TLK1: variants seen among roughly 807,000 people sequenced by gnomAD.
TLK1 encodes the protein tousled like kinase 1.
A neutral mutation model predicts 105.3 loss-of-function variants in TLK1; 24 were observed. The ratio of observed to expected loss-of-function variants is 0.23; its 90% CI spans 0.17 to 0.32. The LOEUF (loss-of-function observed/expected upper bound fraction) is 0.32. TLK1 is among the 10% of genes least tolerant of loss of function. TLK1 has a pLI of 1.00. For missense variants in TLK1, 558 were observed against 910.5 expected (o/e 0.61, Z 4.98); for synonymous variants, 321 against 310.4 (o/e 1.03, Z -0.36).
chr2:171,023,210 T>C (rs1685608685), intron 12 of TLK1: 1 of 469,968 alleles, frequency 2.1e-6, no homozygotes, highest in Non-Finnish European at 4.4e-6. Flanking sequence ...TGGTGTCAGG[T>C]GGCATGTTGG....
At chr2:171,171,070 T>C (rs142931910) in intron 1 of TLK1, among the ~76,000 whole-genome samples, 128 of 151,854 alleles carry the variant, frequency 8.4e-4, no homozygotes, top group Non-Finnish European at 1.6e-3. Flanking sequence ...TTAAAAAATC[T>C]AAAAATATTT....
chr2:171,122,820 C>CT (rs1690708533), intron 1 of TLK1, among the ~76,000 whole-genome samples: 2 of 152,132 alleles, frequency 1.3e-5, no homozygotes, highest in African/African-American at 2.4e-5. Context: ...GGGCGGATCA[C>CT]TTAAGGTCAG....
chr2:171,161,615 A>G (rs538738357), upstream of TLK1, among the ~76,000 whole-genome samples: 17 of 152,350 alleles, frequency 1.1e-4, no homozygotes, highest in Admixed American at 3.3e-4. Context: ...GTTTTAAAAC[A>G]GTAAGTGGAA....
At chr2:171,017,699 A>G (rs1263224847) in intron 12 of TLK1, among the ~76,000 whole-genome samples, 1 of 152,240 alleles carries the variant, frequency 6.6e-6, no homozygotes, top group East Asian at 1.9e-4. Context: ...AATATGTCCC[A>G]TAAAAATCTT....
intron 1 of TLK1, among the ~76,000 whole-genome samples, chr2:171,221,942 A>C (rs1187776096): frequency 6.6e-6 from 1 of 152,216 alleles, no homozygotes; most frequent in Non-Finnish European, 1.5e-5. Flanking sequence ...TCAGCATATG[A>C]ATTTTTTGGA....
At chr2:171,196,787 G>A (rs1693284053) in intron 1 of TLK1, among the ~76,000 whole-genome samples, 1 of 152,210 alleles carries the variant, frequency 6.6e-6, no homozygotes, top group South Asian at 2.1e-4. Flanking sequence ...CAGTGAGTTT[G>A]CAAAGAAAGT....
upstream of TLK1, among the ~76,000 whole-genome samples, chr2:171,162,588 T>C (rs967464378): frequency 6.6e-6 from 1 of 152,154 alleles, no homozygotes; most frequent in Non-Finnish European, 1.5e-5. Flanking sequence ...AGTTTTGATG[T>C]GTATACCTCC....
intron 2 of TLK1, among the ~76,000 whole-genome samples, chr2:171,087,898 C>A (rs1689052784): frequency 6.6e-6 from 1 of 152,150 alleles, no homozygotes. Context: ...TAAAGAGACC[C>A]TTAGGCCCTT....
intron 1 of TLK1, among the ~76,000 whole-genome samples, chr2:171,228,423 C>T (rs891446813): frequency 2.0e-5 from 3 of 152,088 alleles, no homozygotes; most frequent in Non-Finnish European, 4.4e-5. Context: ...GCATGGTGCA[C>T]ACCTATAGCC....
intron 11 of TLK1, among the ~76,000 whole-genome samples, chr2:171,033,664 T>C (rs1686161572): frequency 6.6e-6 from 1 of 151,234 alleles, no homozygotes; most frequent in Non-Finnish European, 1.5e-5. Flanking sequence ...TGTATCATAA[T>C]ATATCATGTA....
chr2:171,093,618 C>T (rs1019201654), intron 2 of TLK1, among the ~76,000 whole-genome samples: 64 of 151,710 alleles, frequency 4.2e-4, no homozygotes, highest in Non-Finnish European at 1.0e-4. Context: ...CGAAAAATGT[C>T]AGGTAATTTG....
At chr2:170,997,518 AGTAG>A (rs940969034) in intron 19 of TLK1, among the ~76,000 whole-genome samples, 190 bp downstream of exon 19, 1 of 152,232 alleles carries the variant, frequency 6.6e-6, no homozygotes, top group Admixed American at 6.5e-5. Context: ...GAAAGCAAAA[AGTAG>A]GTCAAGTAAA....
chr2:171,213,527 AT>A (rs763107580), intron 1 of TLK1, among the ~76,000 whole-genome samples: 5 of 151,376 alleles, frequency 3.3e-5, no homozygotes, highest in Non-Finnish European at 5.9e-5. Context: ...AAAAAAAAAA[AT>A]TTATTTTAGT....
chr2:171,090,446 G>A (rs1038442902), intron 2 of TLK1, among the ~76,000 whole-genome samples: 2 of 124,636 alleles, frequency 1.6e-5, no homozygotes, highest in Non-Finnish European at 3.4e-5. Context: ...TGATATGAGT[G>A]CTGCTTACAT....
intron 1 of TLK1, among the ~76,000 whole-genome samples, chr2:171,146,728 A>G (rs1212048946): frequency 1.3e-5 from 2 of 152,144 alleles, no homozygotes; most frequent in Non-Finnish European, 2.9e-5. Flanking sequence ...AAACTGTGTA[A>G]CTCCCTTCTG....
chr2:171,084,840 G>A (rs1309074186), intron 2 of TLK1, among the ~76,000 whole-genome samples: 2 of 152,008 alleles, frequency 1.3e-5, no homozygotes, highest in African/African-American at 4.8e-5. Flanking sequence ...ACTCAAGAAA[G>A]CATTAAAAAT....
intron 11 of TLK1, among the ~76,000 whole-genome samples, chr2:171,032,472 T>A (rs1686092141): frequency 6.6e-6 from 1 of 152,140 alleles, no homozygotes; most frequent in African/African-American, 2.4e-5. Flanking sequence ...AAAAGGATAT[T>A]AAGGAAGCTA....
chr2:171,020,085 C>T (rs1427863428), intron 12 of TLK1, among the ~76,000 whole-genome samples: 3 of 148,422 alleles, frequency 2.0e-5, no homozygotes, highest in African/African-American at 7.4e-5. Context: ...AAAAATTTAA[C>T]ACCAAATTCA....
At position 171,003,622 on chromosome 2, in the gene TLK1, A is replaced by C. The variant is rs570729215; in HGVS notation, c.1904+2525T>G. On this transcript the variant is annotated intron_variant, in intron 18 of 20. Transcript: ENST00000431350. ...GATAGGCCTTTTACTGGAGAGATTAATTGCTCGGAGATTAGCATCACAGTG... is the reference window on the plus strand; with the variant it reads ...GATAGGCCTTTTACTGGAGAGATTACTTGCTCGGAGATTAGCATCACAGTG... Among the ~76,000 whole-genome samples the C allele has an allele frequency of 5.9e-5, 9 of 152,354 alleles. No individual in the cohort carries two copies. In the South Asian group the frequency reaches 1.7e-3, roughly 28 times the overall value.
Sources: allele counts gnomAD v4.1 joint callset (sites outside exome capture counted in the v4.1 genomes callset), GRCh38; gene constraint gnomAD v4.1.1; transcripts MANE v1.5; gene names NCBI Gene and HGNC (gene_info 2026-07-23, HGNC 2026-07-21).